Variants in EYS observed in about 807,000 individuals in gnomAD.
EYS encodes the protein EGF-like photoreceptor maintenance factor, also known as protein eyes shut homolog.
EYS carries 250 observed loss-of-function variants against 282.1 expected under a neutral mutation model. The observed-to-expected ratio is 0.89, with a 90% confidence interval of 0.80 to 0.98. EYS has a LOEUF of 0.98. Ranked by LOEUF, EYS falls within the 50% of genes least tolerant of loss-of-function variation. The pLI is 0.00. For synonymous variants in EYS, 1,355 were observed against 1,282.9 expected (o/e 1.06, Z -1.20); for missense variants, 4,016 against 3,709.0 (o/e 1.08, Z -2.15).
chr6:65,011,203 CT>C (rs999714168), intron 13 of EYS, among the ~76,000 whole-genome samples: 17 of 152,310 alleles, frequency 1.1e-4, no homozygotes, highest in African/African-American at 4.1e-4. Context: ...TTCACCAAAC[CT>C]TTCACTTAGG....
intron 7 of EYS, among the ~76,000 whole-genome samples, chr6:65,400,529 A>G (rs923672422): frequency 6.6e-6 from 1 of 151,796 alleles, no homozygotes; most frequent in Non-Finnish European, 1.5e-5. Context: ...CTAACTTCCC[A>G]TAGACACCTA....
At chr6:64,612,731 A>G (rs575437441) in intron 24 of EYS, among the ~76,000 whole-genome samples, 25 of 152,174 alleles carry the variant, frequency 1.6e-4, no homozygotes, top group Admixed American at 1.6e-3. Flanking sequence ...GGGACTATTT[A>G]CCTCCCACAT....
chr6:65,119,159 A>G (rs760047272), intron 12 of EYS, among the ~76,000 whole-genome samples: 26 of 152,172 alleles, frequency 1.7e-4, no homozygotes, highest in Non-Finnish European at 2.6e-4. Context: ...TATTACTTTT[A>G]TACACTTAAA....
chr6:65,451,128 A>AT (rs1183919115), intron 5 of EYS, among the ~76,000 whole-genome samples: 1 of 151,924 alleles, frequency 6.6e-6, no homozygotes, highest in Non-Finnish European at 1.5e-5. Context: ...GATTAATAGA[A>AT]TTTTTCTATT....
intron 33 of EYS, among the ~76,000 whole-genome samples, chr6:64,062,297 A>G (rs554546364): frequency 6.6e-6 from 1 of 152,330 alleles, no homozygotes; most frequent in South Asian, 2.1e-4. Flanking sequence ...CCACAATGAC[A>G]GGAATCAGAA....
chr6:63,720,957 C>T lies in EYS; in HGVS notation c.9074G>A (p.Gly3025Glu). Residue 3025 changes from glycine (G) to glutamate (E), a missense_variant, in exon 43 of 43, where the codon GGA becomes GAA. Physicochemically the swap from Gly to Glu is moderately conservative, Grantham distance 98. Transcript: ENST00000503581. ...GCTCATAGGCACAGAGATTCTTTCT[C>T]CCAAGTTAACTGCTATTTTCAAGGT... ...NQTLKIAVNLGERISVPMSYN... is the reference protein window; with the variant it reads ...NQTLKIAVNLEERISVPMSYN... 1 of 1,551,278 alleles carries T rather than the reference C, an allele frequency of 6.4e-7. No individual in the cohort carries two copies. The highest frequency in any genetic ancestry group is 1.2e-5 in the South Asian group (1 of 84,056).
chr6:65,416,574 G>A (rs1354438256), intron 5 of EYS, among the ~76,000 whole-genome samples: 2 of 151,850 alleles, frequency 1.3e-5, no homozygotes, highest in African/African-American at 4.8e-5. Flanking sequence ...CTAACAATGT[G>A]CATATATCCA....
At chr6:64,452,004 G>A (rs1034163296) in intron 26 of EYS, among the ~76,000 whole-genome samples, 16 of 152,252 alleles carry the variant, frequency 1.1e-4, no homozygotes, top group South Asian at 4.1e-4. Flanking sequence ...GGAAGTTCTG[G>A]CCAGGGCAAT....
chr6:65,088,892 C>G (rs1249794910), intron 12 of EYS, among the ~76,000 whole-genome samples: 2 of 152,028 alleles, frequency 1.3e-5, no homozygotes, highest in African/African-American at 2.4e-5. Flanking sequence ...TCAGCTCCAG[C>G]TATGGCAAAA....
chr6:65,151,818 A>T (rs1764617914), intron 12 of EYS, among the ~76,000 whole-genome samples: 1 of 152,100 alleles, frequency 6.6e-6, no homozygotes. Context: ...TAATTAGATT[A>T]TAGGAAGTCT....
intron 26 of EYS, among the ~76,000 whole-genome samples, chr6:64,539,813 C>T (rs1438657536): frequency 6.6e-6 from 1 of 152,170 alleles, no homozygotes; most frequent in Non-Finnish European, 1.5e-5. Context: ...ACATGCATGT[C>T]CTCATTCACA....
At chr6:64,212,018 A>G (rs1765795370) in intron 31 of EYS, among the ~76,000 whole-genome samples, 1 of 152,064 alleles carries the variant, frequency 6.6e-6, no homozygotes, top group Non-Finnish European at 1.5e-5. Context: ...CAGGAGGCTG[A>G]GGCAGGAGAA....
chr6:63,723,233 A>G (rs895783444), intron 42 of EYS, among the ~76,000 whole-genome samples: 1 of 152,332 alleles, frequency 6.6e-6, no homozygotes, highest in South Asian at 2.1e-4. Context: ...ATAATTTCTA[A>G]CATGTATAGC....
At chr6:64,825,112 T>A (rs1765012755) in intron 19 of EYS, among the ~76,000 whole-genome samples, 1 of 151,984 alleles carries the variant, frequency 6.6e-6, no homozygotes, top group African/African-American at 2.4e-5. Flanking sequence ...TTAGGCATGC[T>A]GTTCCTAAAA....
chr6:64,642,927 C>G (rs548497813), intron 22 of EYS, among the ~76,000 whole-genome samples: 1 of 152,122 alleles, frequency 6.6e-6, no homozygotes, highest in African/African-American at 2.4e-5. Flanking sequence ...ACCAGCATGA[C>G]CAACATGGAG....
At chr6:63,780,828 C>T (rs1770203116) in intron 39 of EYS, among the ~76,000 whole-genome samples, 1 of 152,136 alleles carries the variant, frequency 6.6e-6, no homozygotes, top group African/African-American at 2.4e-5. Context: ...TTGCCTATGC[C>T]TATGTCCTGA....
At chr6:64,142,596 G>A (rs1479740470) in intron 31 of EYS, among the ~76,000 whole-genome samples, 1 of 152,200 alleles carries the variant, frequency 6.6e-6, no homozygotes. Context: ...TGTTTGCTAA[G>A]TTTATAGAAG....
intron 22 of EYS, among the ~76,000 whole-genome samples, chr6:64,753,604 A>G (rs1473901786): frequency 1.3e-5 from 2 of 151,806 alleles, no homozygotes; most frequent in East Asian, 3.9e-4. Flanking sequence ...TCACCAGAGC[A>G]CCCAGATTCA....
chr6:64,514,326 A>G (rs1582840770), intron 26 of EYS, among the ~76,000 whole-genome samples: 1 of 151,978 alleles, frequency 6.6e-6, no homozygotes. Context: ...AGGATAATGA[A>G]TTTCAGTGCT....
Sources: allele counts gnomAD v4.1 joint callset (sites outside exome capture counted in the v4.1 genomes callset), GRCh38; gene constraint gnomAD v4.1.1; transcripts MANE v1.5; gene names NCBI Gene and HGNC (gene_info 2026-07-23, HGNC 2026-07-21).